CLEC2A: variants seen among roughly 807,000 people sequenced by gnomAD.
CLEC2A encodes the protein keratinocyte-associated C-type lectin.
CLEC2A carries 19 observed loss-of-function variants against 18.6 expected under a neutral mutation model. The ratio of observed to expected loss-of-function variants is 1.02; its 90% CI spans 0.71 to 1.50. The LOEUF is 1.50. Among genes scored for constraint, CLEC2A ranks in the 40% most tolerant of loss-of-function variants. The pLI is 0.00. For missense variants in CLEC2A, 190 were observed against 207.9 expected (o/e 0.91, Z 0.53); for synonymous variants, 74 against 64.0 (o/e 1.16, Z -0.75).
chr12:9,885,567 T>C, the CLEC2A span, among the ~76,000 whole-genome samples: 1 of 151,860 alleles, frequency 6.6e-6, no homozygotes, highest in Admixed American at 6.6e-5. Flanking sequence ...TGAGATGAGA[T>C]TTCTAAAAAT....
chr12:9,902,233 AT>A (rs3994065), intron 4 of CLEC2A, among the ~76,000 whole-genome samples: 5,926 of 132,478 alleles, frequency 0.045, 261 homozygotes, highest in African/African-American at 0.13. Context: ...AAGGTTTGCC[AT>A]TTTTTTTTTT....
the CLEC2A span, chr12:9,892,917 T>C: frequency 1.1e-6 from 1 of 899,482 alleles, no homozygotes; most frequent in Non-Finnish European, 1.6e-6. Context: ...AAAAAAAAAA[T>C]GAGTTGGAAA....
downstream of CLEC2A, among the ~76,000 whole-genome samples, chr12:9,909,090 T>G (rs1422305677): frequency 6.6e-6 from 1 of 152,240 alleles, no homozygotes; most frequent in East Asian, 1.9e-4. Context: ...AAATGAAGCT[T>G]TAACATTCCT....
At chr12:9,886,849 C>T in the CLEC2A span, among the ~76,000 whole-genome samples, 1 of 149,920 alleles carries the variant, frequency 6.7e-6, no homozygotes, top group Non-Finnish European at 1.5e-5. Flanking sequence ...GATTTATGGA[C>T]TGGTGGTCGG....
At chr12:9,880,120 CA>C in the CLEC2A span, among the ~76,000 whole-genome samples, 9 of 152,186 alleles carry the variant, frequency 5.9e-5, no homozygotes, top group Admixed American at 3.9e-4. Flanking sequence ...CTGTGAAAGA[CA>C]GAAGTGAAGG....
rs1482350201 is a variant in CLEC2A at position 9,907,130 on chromosome 12, T to A, written c.411-8154A>T. Among the ~76,000 whole-genome samples the A allele has an allele frequency of 3.9e-5, 6 of 152,314 alleles. No individual in the cohort carries two copies. The East Asian group carries it at 1.2e-3, about 29-fold the overall frequency. On this transcript the variant is annotated intron_variant, in intron 4 of 4. Coordinates refer to the CLEC2A transcript ENST00000339766. ...TTCAGGCCACCCACTTGTACTAGGT[T>A]TAAAACCTTTGACAGGAAGGCTACA...
Position 9,913,445 on chromosome 12 carries a change from A to G in CLEC2A, c.*121T>C, listed in dbSNP as rs1863017737. On this transcript the variant is annotated 3_prime_UTR_variant, in exon 5 of 5. Transcript: ENST00000455827. ...CAAGAAGTTTCCATCTATAAACTAG[A>G]AAATGGGCCCTCACCAGAGGTTCCG... 7.0e-7 allele frequency: 1 copy of G among 1,425,070 alleles called. No individual in the cohort carries two copies. The highest frequency in any genetic ancestry group is 9.1e-7 in the Non-Finnish European group (1 of 1,097,008). The allele number at this position is 1,425,070 out of a possible 1,614,324, so 88.3% of individuals were successfully genotyped here.
intron 1 of CLEC2A, among the ~76,000 whole-genome samples, chr12:9,931,792 G>A (rs1357719830): frequency 2.0e-5 from 3 of 152,138 alleles, no homozygotes; most frequent in Non-Finnish European, 1.5e-5. Flanking sequence ...TGTGAATGGA[G>A]GGTGTTTGTA....
At chr12:9,912,085 G>GAA (rs143502158), downstream of CLEC2A, among the ~76,000 whole-genome samples, 9 of 150,498 alleles carry the variant, frequency 6.0e-5, no homozygotes, top group Middle Eastern at 3.4e-3. Flanking sequence ...CCTCTAAAAG[G>GAA]AAAAAAAAAT....
At chr12:9,903,840 G>A (rs111862215) in intron 4 of CLEC2A, among the ~76,000 whole-genome samples, 274 of 152,232 alleles carry the variant, frequency 1.8e-3, no homozygotes, top group African/African-American at 5.5e-3. Context: ...GACTCCTCTC[G>A]GGACTCCAAT....
Position 9,902,927 on chromosome 12 carries a change from G to T in CLEC2A, c.411-3951C>A, listed in dbSNP as rs544794147. Among the ~76,000 whole-genome samples the T allele has an allele frequency of 2.4e-3, 365 of 152,278 alleles. 2 individuals carry two copies. The highest frequency in any genetic ancestry group is 8.4e-3 in the African/African-American group (350 of 41,546). On this transcript the variant is annotated intron_variant, in intron 4 of 4. Coordinates refer to the CLEC2A transcript ENST00000339766. ...CTATATAAGGTAGACACGTGTTGGG[G>T]GAGAAGGAGGGAAGGGAAGAGGTCT...
chr12:9,904,685 T>C (rs1862882101), intron 4 of CLEC2A, among the ~76,000 whole-genome samples: 1 of 152,164 alleles, frequency 6.6e-6, no homozygotes, highest in South Asian at 2.1e-4. Context: ...TCCTGTAACA[T>C]TTGCTCCTAA....
chr12:9,915,454 A>G (rs180836164), intron 4 of CLEC2A, among the ~76,000 whole-genome samples: 7 of 152,346 alleles, frequency 4.6e-5, no homozygotes, highest in African/African-American at 1.7e-4. Flanking sequence ...AATCAACCCA[A>G]AGGGCTATCA....
At chr12:9,879,391 G>A in the CLEC2A span, among the ~76,000 whole-genome samples, 2 of 152,146 alleles carry the variant, frequency 1.3e-5, no homozygotes, top group African/African-American at 4.8e-5. Flanking sequence ...GAAGGACATT[G>A]TAACATGGCC....
At chr12:9,891,047 AT>A in the CLEC2A span, among the ~76,000 whole-genome samples, 3,530 of 137,652 alleles carry the variant, frequency 0.026, 40 homozygotes, top group Middle Eastern at 0.055. Context: ...CCTCCTTTTA[AT>A]TTTTTTTTTT....
intron 2 of CLEC2A, among the ~76,000 whole-genome samples, chr12:9,923,250 C>T (rs528499843): frequency 1.8e-4 from 28 of 152,218 alleles, no homozygotes; most frequent in African/African-American, 6.5e-4. Flanking sequence ...AAAACAATCC[C>T]ATCAAAAAGT....
downstream of CLEC2A, among the ~76,000 whole-genome samples, chr12:9,908,730 T>G (rs933232155): frequency 3.9e-5 from 6 of 152,172 alleles, no homozygotes; most frequent in African/African-American, 1.4e-4. Context: ...TTAAAACATC[T>G]ATTCTGTCTT....
At chr12:9,883,676 G>T in the CLEC2A span, among the ~76,000 whole-genome samples, 2 of 152,150 alleles carry the variant, frequency 1.3e-5, no homozygotes, top group African/African-American at 4.8e-5. Context: ...TGCTTGAACA[G>T]CAGAAATATC....
At chr12:9,915,761 C>T (rs1863060661) in intron 4 of CLEC2A, among the ~76,000 whole-genome samples, 1 of 152,088 alleles carries the variant, frequency 6.6e-6, no homozygotes. Context: ...TGTGGAGCTT[C>T]AAACCTAGAT....
Sources: gnomAD v4.1 joint callset for allele counts (sites outside exome capture counted in the v4.1 genomes callset) on GRCh38, gnomAD v4.1.1 for gene constraint, MANE v1.5 for transcripts, NCBI Gene and HGNC (gene_info 2026-07-23, HGNC 2026-07-21) for gene names.